Variants in CTNNA2 observed in about 807,000 individuals in gnomAD.
CTNNA2 encodes catenin alpha 2.
CTNNA2 carries 42 observed loss-of-function variants against 101.0 expected under a neutral mutation model. The observed-to-expected ratio is 0.42, with a 90% CI of 0.32 to 0.54. CTNNA2 has a LOEUF of 0.54. Among genes scored for constraint, CTNNA2 ranks in the 20% least tolerant of loss-of-function variants. The pLI is 0.14. For missense variants in CTNNA2, 871 were observed against 1,223.1 expected, an observed-to-expected ratio of 0.71 and a Z score of 4.29; for synonymous variants, 450 against 456.4, an observed-to-expected ratio of 0.99 and a Z score of 0.18.
At chr2:79,338,491 G>A (rs558854433) in intron 3 of CTNNA2, among the ~76,000 whole-genome samples, 43 of 152,114 alleles carry the variant, frequency 2.8e-4, no homozygotes, top group African/African-American at 8.2e-4. Flanking sequence ...ATCAGAACAG[G>A]TAGTGAAAAA....
At chr2:79,254,072 C>T (rs2104276475) in intron 2 of CTNNA2, among the ~76,000 whole-genome samples, 1 of 152,270 alleles carries the variant, frequency 6.6e-6, no homozygotes, top group Middle Eastern at 3.4e-3. Context: ...AGATCAAGCA[C>T]TCTCTGGATA....
chr2:79,829,143 G>A (rs1678670145), intron 3 of CTNNA2, among the ~76,000 whole-genome samples: 1 of 152,164 alleles, frequency 6.6e-6, no homozygotes. Context: ...CTTAGTTCAA[G>A]TAGTTGAATC....
At chr2:80,545,775 T>A (rs1043689615) in intron 10 of CTNNA2, 132 bp from the exon 11 acceptor site, 2 of 741,872 alleles carry the variant, frequency 2.7e-6, no homozygotes, top group African/African-American at 3.6e-5. Flanking sequence ...TGTTTGATTG[T>A]CCTTCTGAAC....
intron 7 of CTNNA2, among the ~76,000 whole-genome samples, chr2:80,257,590 A>C (rs931633570): frequency 6.6e-6 from 1 of 152,222 alleles, no homozygotes; most frequent in Non-Finnish European, 1.5e-5. Context: ...AGAGGCTGGA[A>C]GGTAGATCTC....
chr2:79,245,626 A>G (rs1674690089), intron 2 of CTNNA2, among the ~76,000 whole-genome samples: 1 of 152,196 alleles, frequency 6.6e-6, no homozygotes. Flanking sequence ...AGTCCGATTA[A>G]AATTGTTTTC....
intron 4 of CTNNA2, among the ~76,000 whole-genome samples, chr2:79,424,496 G>A (rs1310714122): frequency 6.6e-6 from 1 of 152,036 alleles, no homozygotes; most frequent in Non-Finnish European, 1.5e-5. Flanking sequence ...TATGTAATGG[G>A]CACACCGTTA....
chr2:80,371,754 G>C (rs535304824), intron 7 of CTNNA2, among the ~76,000 whole-genome samples: 1 of 152,264 alleles, frequency 6.6e-6, no homozygotes, highest in South Asian at 2.1e-4. Flanking sequence ...GAGCAATGGA[G>C]GTGGAAGGTA....
chr2:80,352,313 G>A (rs564213743), intron 7 of CTNNA2, among the ~76,000 whole-genome samples: 1 of 152,228 alleles, frequency 6.6e-6, no homozygotes, highest in African/African-American at 2.4e-5. Context: ...CATAGAGAGC[G>A]ACCTATAAAG....
chr2:80,532,614 A>T (rs367609878), intron 9 of CTNNA2, among the ~76,000 whole-genome samples: 8 of 152,152 alleles, frequency 5.3e-5, no homozygotes, highest in Non-Finnish European at 1.5e-5. Flanking sequence ...TATCGTAGGT[A>T]TGCATGTTCA....
At chr2:80,018,225 T>TTGAG (rs1694287871) in intron 7 of CTNNA2, among the ~76,000 whole-genome samples, 1 of 152,184 alleles carries the variant, frequency 6.6e-6, no homozygotes, top group Admixed American at 6.5e-5. Context: ...ATTTCAAAGA[T>TTGAG]ACCTCCTGTC....
chr2:79,248,388 A>C (rs1238370813), intron 2 of CTNNA2, among the ~76,000 whole-genome samples: 2 of 151,630 alleles, frequency 1.3e-5, no homozygotes, highest in East Asian at 1.9e-4. Flanking sequence ...AAAAAGTATA[A>C]TTTCTATATA....
intron 1 of CTNNA2, among the ~76,000 whole-genome samples, chr2:79,638,049 A>T (rs1000035528): frequency 6.6e-6 from 1 of 152,218 alleles, no homozygotes; most frequent in Non-Finnish European, 1.5e-5. Context: ...TGATTGACCA[A>T]GGACTCCCAT....
chr2:79,515,597 A>G (rs1310452930), intron 1 of CTNNA2, among the ~76,000 whole-genome samples: 1 of 152,254 alleles, frequency 6.6e-6, no homozygotes, highest in Admixed American at 6.5e-5. Context: ...GAAACAAAAC[A>G]TACCAAGTTA....
At chr2:80,544,439 C>G (rs562604853) in intron 9 of CTNNA2, among the ~76,000 whole-genome samples, 1 of 151,934 alleles carries the variant, frequency 6.6e-6, no homozygotes. Flanking sequence ...TGCTACGAGC[C>G]TTTTTGTTAC....
intron 4 of CTNNA2, among the ~76,000 whole-genome samples, chr2:79,384,812 C>T (rs1310052709): frequency 6.7e-6 from 1 of 149,846 alleles, no homozygotes; most frequent in South Asian, 2.1e-4. Context: ...GATCTCTAAT[C>T]TCACTACTTA....
Position 80,031,390 on chromosome 2 carries a change from C to G in CTNNA2, c.1056+121593C>G, listed in dbSNP as rs532457862. 9.9e-5 allele frequency among the ~76,000 whole-genome samples: 15 copies of G among 152,252 alleles called. No individual in the cohort carries two copies. In the South Asian group the frequency reaches 3.1e-3, roughly 32 times the overall value. ...CAGTTCCACGTGGCTGGGGAGGCCT[C>G]CCAAACATGGTGGAAGGCAAGGAGC... On this transcript the variant is annotated intron_variant, in intron 7 of 18. Transcript: ENST00000402739.
At chr2:79,428,365 T>C (rs1439747806) in intron 4 of CTNNA2, among the ~76,000 whole-genome samples, 5 of 152,134 alleles carry the variant, frequency 3.3e-5, no homozygotes, top group Non-Finnish European at 5.9e-5. Context: ...CACTCACCTG[T>C]AGGTATTTTT....
At chr2:79,207,056 T>C (rs1015371761) in intron 2 of CTNNA2, among the ~76,000 whole-genome samples, 7 of 152,212 alleles carry the variant, frequency 4.6e-5, no homozygotes, top group Admixed American at 2.0e-4. Flanking sequence ...GTACATTGTT[T>C]AGACAAACTC....
At chr2:79,810,464 C>T (rs1676924934) in intron 3 of CTNNA2, among the ~76,000 whole-genome samples, 1 of 151,956 alleles carries the variant, frequency 6.6e-6, no homozygotes, top group Non-Finnish European at 1.5e-5. Flanking sequence ...GGTGGGGACA[C>T]AGCCATACCA....
Sources: gnomAD v4.1 joint callset for allele counts (sites outside exome capture counted in the v4.1 genomes callset) on GRCh38, gnomAD v4.1.1 for gene constraint, MANE v1.5 for transcripts, NCBI Gene and HGNC (gene_info 2026-07-23, HGNC 2026-07-21) for gene names.